TPD52L1: variants seen among roughly 807,000 people sequenced by gnomAD.
TPD52L1 encodes the protein tumor protein D53.
In TPD52L1, 18 loss-of-function variants were observed where a neutral mutation model predicts 28.7. That is an observed-to-expected ratio of 0.63 (90% CI 0.43 to 0.93). The LOEUF is 0.93. TPD52L1 is among the 40% of genes least tolerant of loss of function. The pLI is 0.00. For missense variants in TPD52L1, 203 were observed against 254.8 expected, an observed-to-expected ratio of 0.80 and a Z score of 1.39; for synonymous variants, 75 against 88.8, an observed-to-expected ratio of 0.84 and a Z score of 0.88.
intron 5 of TPD52L1, among the ~76,000 whole-genome samples, chr6:125,254,725 G>A (rs1797490979): frequency 6.6e-6 from 1 of 152,148 alleles, no homozygotes; most frequent in African/African-American, 2.4e-5. Flanking sequence ...TTTTTTAACT[G>A]TCATGAAGAG....
At chr6:125,260,932 GAA>G (rs1308756368) in intron 6 of TPD52L1, 3 of 16,744 alleles carry the variant, frequency 1.8e-4, no homozygotes. Flanking sequence ...AAGAAAGAAA[GAA>G]AGAAAGAAAG....
At chr6:125,223,534 C>A (rs1285041801) in intron 2 of TPD52L1, among the ~76,000 whole-genome samples, 1 of 151,864 alleles carries the variant, frequency 6.6e-6, no homozygotes, top group Non-Finnish European at 1.5e-5. Context: ...CATGGTGAAA[C>A]CCTGTCTCTA....
intron 5 of TPD52L1, among the ~76,000 whole-genome samples, chr6:125,255,048 T>C (rs1000552963): frequency 2.6e-5 from 4 of 152,324 alleles, no homozygotes; most frequent in South Asian, 2.1e-4. Flanking sequence ...TTGCTCTCCC[T>C]AGAATAAGAA....
chr6:125,260,438 A>C (rs1176276492), intron 6 of TPD52L1: 2 of 152,202 alleles, frequency 1.3e-5, no homozygotes, highest in East Asian at 3.8e-4. Flanking sequence ...CAAAATAAAA[A>C]TAATATTTCG....
In TPD52L1 at chr6:125,253,385, A is replaced by G. The variant is rs1583021336; in HGVS notation, c.387-332A>G. On this transcript the variant is annotated intron_variant, in intron 4 of 6. Transcript: ENST00000534000. ...TGTTTTCCTGAGCAGAAGGGAGTAG[A>G]GACCTAAGTTGGGCCTGGAGAAGAT... 1.4e-5 allele frequency: 5 copies of G among 346,928 alleles called. No homozygotes were observed. The South Asian group carries it at 1.7e-4, about 12-fold the overall frequency. 21.5% of individuals were successfully genotyped at this position (346,928 alleles called of 1,614,324 possible).
chr6:125,234,486 C>T (rs1473398102), intron 3 of TPD52L1: 1 of 152,218 alleles, frequency 6.6e-6, no homozygotes, highest in East Asian at 1.9e-4. Flanking sequence ...TAATGCACAA[C>T]TGACGGCAAC....
chr6:125,241,679 A>T (rs1796620078), intron 3 of TPD52L1, among the ~76,000 whole-genome samples: 2 of 151,720 alleles, frequency 1.3e-5, no homozygotes, highest in African/African-American at 4.8e-5. Context: ...CTCCCATTTC[A>T]TTTCTAATTG....
intron 1 of TPD52L1, among the ~76,000 whole-genome samples, chr6:125,202,373 A>T (rs1262754286): frequency 6.6e-6 from 1 of 152,192 alleles, no homozygotes; most frequent in African/African-American, 2.4e-5. Flanking sequence ...ATGACCTAAG[A>T]TGGAATGTAT....
intron 3 of TPD52L1, 78 bp from the exon 4 acceptor site, chr6:125,248,204 A>G: frequency 8.6e-7 from 1 of 1,163,076 alleles, no homozygotes; most frequent in Non-Finnish European, 1.3e-6. Flanking sequence ...ACATTTTCAA[A>G]GTAAGGAGTG....
chr6:125,183,054 G>GA lies in TPD52L1; in HGVS notation c.19+29088dup, dbSNP rs1356308010. 2.0e-5 allele frequency among the ~76,000 whole-genome samples: 3 copies of GA among 152,282 alleles called. No individual in the cohort carries two copies. The East Asian group carries it at 5.8e-4, about 29-fold the overall frequency. On this transcript the variant is annotated intron_variant, in intron 1 of 6. Coordinates refer to ENST00000534000, the MANE Select transcript of TPD52L1 (RefSeq NM_003287.4). The stretch of plus-strand genomic sequence containing the variant: ...CAGTCTTTATACAATAAGTAGGAAT[G>GA]AAAAGAATAAAAGCAACATTAAAAA...
chr6:125,211,595 C>G (rs17052872), intron 1 of TPD52L1, among the ~76,000 whole-genome samples: 37 of 152,332 alleles, frequency 2.4e-4, no homozygotes, highest in African/African-American at 7.0e-4. Context: ...TCATCCCACT[C>G]TCAAAGGTTC....
chr6:125,222,362 A>T (rs1276575608), intron 2 of TPD52L1, among the ~76,000 whole-genome samples: 1 of 152,084 alleles, frequency 6.6e-6, no homozygotes, highest in Admixed American at 6.6e-5. Context: ...CTGAGGAGAG[A>T]TCCTACTGGG....
intron 1 of TPD52L1, among the ~76,000 whole-genome samples, chr6:125,159,832 C>T (rs1196299021): frequency 1.3e-5 from 2 of 152,218 alleles, no homozygotes; most frequent in Non-Finnish European, 1.5e-5. Context: ...TGGGTGACCA[C>T]GTATGATATT....
chr6:125,165,377 G>A (rs576080293), intron 1 of TPD52L1, among the ~76,000 whole-genome samples: 68 of 152,244 alleles, frequency 4.5e-4, no homozygotes, highest in African/African-American at 1.6e-3. Flanking sequence ...GAAGCTTTGG[G>A]TCCTCAAGGA....
In TPD52L1 at chr6:125,172,157, T is replaced by C. The variant is rs902430685; in HGVS notation, c.19+18187T>C. On this transcript the variant is annotated intron_variant, in intron 1 of 6. Transcript: ENST00000534000. Reference sequence around the variant, plus strand: ...CTTTCTTTCTTTCTTTCTTTCTTTCTTTTCTTTCTTTCTTTCTTTCTTTCT... The same window carrying C: ...CTTTCTTTCTTTCTTTCTTTCTTTCCTTTCTTTCTTTCTTTCTTTCTTTCT... Among the ~76,000 whole-genome samples the C allele has an allele frequency of 8.0e-3, 429 of 53,786 alleles. 3 individuals carry two copies. The highest frequency in any genetic ancestry group is 9.7e-3 in the East Asian group (13 of 1,334). 35.3% of individuals were successfully genotyped at this position (53,786 alleles called of 152,430 possible).
chr6:125,167,409 T>C (rs1790986068), intron 1 of TPD52L1, among the ~76,000 whole-genome samples: 1 of 152,196 alleles, frequency 6.6e-6, no homozygotes, highest in Non-Finnish European at 1.5e-5. Flanking sequence ...ACTCTTGGCC[T>C]ACTGTGTATC....
intron 1 of TPD52L1, among the ~76,000 whole-genome samples, chr6:125,204,575 G>A (rs2114909688): frequency 6.6e-6 from 1 of 152,164 alleles, no homozygotes; most frequent in African/African-American, 2.4e-5. Context: ...CGCCTCCTGG[G>A]TTCACGCCAT....
chr6:125,248,610 AG>A, intron 4 of TPD52L1: 1 of 496,136 alleles, frequency 2.0e-6, no homozygotes, highest in Non-Finnish European at 3.6e-6. Context: ...TGTTTCTACT[AG>A]GACCCGACCT....
intron 5 of TPD52L1, among the ~76,000 whole-genome samples, chr6:125,256,866 C>G (rs1797636853): frequency 1.3e-5 from 2 of 152,244 alleles, no homozygotes; most frequent in African/African-American, 4.8e-5. Context: ...ATATTATTTA[C>G]TGTATTGTGT....
Sources: gnomAD v4.1 joint callset for allele counts (sites outside exome capture counted in the v4.1 genomes callset) on GRCh38, gnomAD v4.1.1 for gene constraint, MANE v1.5 for transcripts, NCBI Gene and HGNC (gene_info 2026-07-23, HGNC 2026-07-21) for gene names.